GMDS: variants seen among roughly 807,000 people sequenced by gnomAD.
The protein encoded by GMDS is GDP-mannose 4,6-dehydratase.
A neutral mutation model predicts 49.9 loss-of-function variants in GMDS; 20 were observed. The observed-to-expected ratio is 0.40, with a 90% CI of 0.28 to 0.58. The LOEUF (loss-of-function observed/expected upper bound fraction) is 0.58. Ranked by LOEUF, GMDS falls within the 20% of genes least tolerant of loss-of-function variation. The probability of loss-of-function intolerance (pLI) is 0.42; values close to 1 mark genes in which losing one functional copy is unlikely to be tolerated. For synonymous variants in GMDS, 177 were observed against 178.6 expected, an observed-to-expected ratio of 0.99 and a Z score of 0.07; for missense variants, 362 against 481.4, an observed-to-expected ratio of 0.75 and a Z score of 2.32.
chr6:1,747,288 C>T (rs533557392), intron 7 of GMDS, among the ~76,000 whole-genome samples: 26 of 152,286 alleles, frequency 1.7e-4, no homozygotes, highest in African/African-American at 2.2e-4. Context: ...TCCACCTCGA[C>T]GTTAACCTCC....
At chr6:2,179,114 G>A (rs1324457248) in intron 1 of GMDS, among the ~76,000 whole-genome samples, 1 of 152,198 alleles carries the variant, frequency 6.6e-6, no homozygotes. Flanking sequence ...ACATGCACAT[G>A]AGCATCGTAA....
At chr6:1,993,951 C>T (rs1207840005) in intron 4 of GMDS, among the ~76,000 whole-genome samples, 1 of 152,148 alleles carries the variant, frequency 6.6e-6, no homozygotes, top group Non-Finnish European at 1.5e-5. Context: ...CTCTGCTCAC[C>T]CACTCCACAC....
At position 1,789,271 on chromosome 6, in the gene GMDS, G is replaced by A. The variant is rs114085954; in HGVS notation, c.772-46685C>T. Among the ~76,000 whole-genome samples the A allele has an allele frequency of 2.3e-3, 347 of 152,290 alleles. 3 individuals are homozygous for A. The highest frequency in any genetic ancestry group is 7.9e-3 in the African/African-American group (327 of 41,564). ...TATTGAGGTTTCATTACATAGTCAT[G>A]ACTGACTGAACCACTGGCCGTATGC... On this transcript the variant is annotated intron_variant, in intron 7 of 10. Coordinates refer to ENST00000380815, the MANE Select transcript of GMDS (RefSeq NM_001500.4).
chr6:1,988,035 C>T (rs945420119), intron 4 of GMDS, among the ~76,000 whole-genome samples: 10 of 152,184 alleles, frequency 6.6e-5, no homozygotes, highest in Non-Finnish European at 1.2e-4. Context: ...CCACCAACAA[C>T]ACATACACAT....
chr6:2,188,082 T>G (rs939011073), intron 1 of GMDS, among the ~76,000 whole-genome samples: 2 of 152,164 alleles, frequency 1.3e-5, no homozygotes, highest in Non-Finnish European at 2.9e-5. Flanking sequence ...GCAGGCTGGT[T>G]CTCAATTCAG....
At chr6:1,810,142 A>G (rs954825178) in intron 7 of GMDS, among the ~76,000 whole-genome samples, 1 of 152,054 alleles carries the variant, frequency 6.6e-6, no homozygotes, top group African/African-American at 2.4e-5. Context: ...CTCACATTCC[A>G]GAGGAGAGGG....
At chr6:1,825,802 T>C (rs1028428970) in intron 7 of GMDS, among the ~76,000 whole-genome samples, 3 of 152,240 alleles carry the variant, frequency 2.0e-5, no homozygotes, top group Middle Eastern at 3.4e-3. Flanking sequence ...TGAGGCTAGC[T>C]AGGAGTTTCA....
intron 4 of GMDS, among the ~76,000 whole-genome samples, chr6:2,071,956 A>G (rs959511777): frequency 6.6e-6 from 1 of 152,172 alleles, no homozygotes; most frequent in Non-Finnish European, 1.5e-5. Context: ...GAAGGGGGGA[A>G]AAAAGAGTAA....
At chr6:1,808,508 A>T (rs1377247431) in intron 7 of GMDS, among the ~76,000 whole-genome samples, 1 of 152,160 alleles carries the variant, frequency 6.6e-6, no homozygotes, top group African/African-American at 2.4e-5. Context: ...TTACTTTCAA[A>T]AGAAATGGAA....
At chr6:2,036,534 T>C (rs1769316518) in intron 4 of GMDS, among the ~76,000 whole-genome samples, 1 of 152,178 alleles carries the variant, frequency 6.6e-6, no homozygotes. Context: ...GCTTTAGCAA[T>C]CCATACAAGG....
intron 4 of GMDS, among the ~76,000 whole-genome samples, chr6:1,972,784 T>C (rs1764694497): frequency 6.6e-6 from 1 of 152,236 alleles, no homozygotes; most frequent in African/African-American, 2.4e-5. Flanking sequence ...CTTCTGCCCA[T>C]CACTGCTTAA....
At chr6:1,878,148 C>A (rs1379761440) in intron 7 of GMDS, among the ~76,000 whole-genome samples, 1 of 151,832 alleles carries the variant, frequency 6.6e-6, no homozygotes, top group Non-Finnish European at 1.5e-5. Flanking sequence ...CCCGTCTCTA[C>A]TAAAAATACA....
At chr6:2,162,085 G>T (rs910693407) in intron 1 of GMDS, among the ~76,000 whole-genome samples, 11 of 152,170 alleles carry the variant, frequency 7.2e-5, no homozygotes, top group African/African-American at 2.2e-4. Flanking sequence ...GTCTATGCTT[G>T]ATAAGGTCAC....
intron 9 of GMDS, among the ~76,000 whole-genome samples, chr6:1,657,169 T>C (rs1490002766): frequency 1.3e-5 from 2 of 152,224 alleles, no homozygotes; most frequent in African/African-American, 4.8e-5. Flanking sequence ...AGATCTTTGA[T>C]GCCACTAGAC....
At chr6:1,708,002 G>A (rs550489595) in intron 9 of GMDS, among the ~76,000 whole-genome samples, 103 of 152,224 alleles carry the variant, frequency 6.8e-4, no homozygotes, top group African/African-American at 2.2e-3. Context: ...ATTCACATGC[G>A]TTATTAAACA....
chr6:2,193,596 T>C (rs1370775454), intron 1 of GMDS, among the ~76,000 whole-genome samples: 1 of 152,254 alleles, frequency 6.6e-6, no homozygotes, highest in East Asian at 1.9e-4. Context: ...TATGGATTTT[T>C]TTAAATAACA....
intron 1 of GMDS, among the ~76,000 whole-genome samples, chr6:2,234,274 C>T (rs1781249375): frequency 6.6e-6 from 1 of 152,080 alleles, no homozygotes; most frequent in South Asian, 2.1e-4. Flanking sequence ...TCCTTGTGTA[C>T]AAAAAGCAGA....
intron 4 of GMDS, among the ~76,000 whole-genome samples, chr6:2,010,682 T>C (rs1439421138): frequency 6.6e-6 from 1 of 152,130 alleles, no homozygotes; most frequent in Non-Finnish European, 1.5e-5. Flanking sequence ...AAAACTTCCA[T>C]CTATGTAAAG....
chr6:2,033,318 C>T (rs1006270616), intron 4 of GMDS, among the ~76,000 whole-genome samples: 1 of 152,198 alleles, frequency 6.6e-6, no homozygotes, highest in African/African-American at 2.4e-5. Flanking sequence ...TCATGTTATA[C>T]TGCTCTTAAA....
Sources: gnomAD v4.1 joint callset for allele counts (sites outside exome capture counted in the v4.1 genomes callset) on GRCh38, gnomAD v4.1.1 for gene constraint, MANE v1.5 for transcripts, NCBI Gene and HGNC (gene_info 2026-07-23, HGNC 2026-07-21) for gene names.